Variants in THRB observed in about 807,000 individuals in gnomAD.
The protein encoded by THRB is nuclear receptor subfamily 1 group A member 2.
THRB carries 12 observed loss-of-function variants against 47.8 expected under a neutral mutation model. That is an observed-to-expected ratio of 0.25 (90% CI 0.16 to 0.41). The LOEUF is 0.41. THRB is among the 10% of genes least tolerant of loss of function. The pLI is 1.00. For missense variants in THRB, 348 were observed against 589.2 expected, an observed-to-expected ratio of 0.59 and a Z score of 4.24; for synonymous variants, 218 against 212.2, an observed-to-expected ratio of 1.03 and a Z score of -0.24.
chr3:24,411,054 T>C (rs899997769), intron 1 of THRB, among the ~76,000 whole-genome samples: 2 of 151,726 alleles, frequency 1.3e-5, no homozygotes, highest in African/African-American at 4.8e-5. Flanking sequence ...ATTGGCTGAG[T>C]GTGGTGGCTG....
chr3:24,447,453 G>A (rs991527634), intron 1 of THRB, among the ~76,000 whole-genome samples: 23 of 152,116 alleles, frequency 1.5e-4, no homozygotes, highest in Admixed American at 1.2e-3. Context: ...TGCAGTAATG[G>A]GAGGGTTTGA....
chr3:24,469,936 C>T (rs1045958369), intron 1 of THRB, among the ~76,000 whole-genome samples: 8 of 152,214 alleles, frequency 5.3e-5, no homozygotes, highest in African/African-American at 1.9e-4. Flanking sequence ...TGAATGAAGT[C>T]AATGTCTTCC....
intron 4 of THRB, among the ~76,000 whole-genome samples, chr3:24,214,546 C>G (rs1260480620): frequency 6.6e-6 from 1 of 152,220 alleles, no homozygotes; most frequent in Non-Finnish European, 1.5e-5. Flanking sequence ...CCGGTTTCCT[C>G]AGGCAAAAAC....
At chr3:24,123,459 G>A (rs1363414107) in intron 10 of THRB, among the ~76,000 whole-genome samples, 1 of 152,192 alleles carries the variant, frequency 6.6e-6, no homozygotes, top group African/African-American at 2.4e-5. Flanking sequence ...TCTGCAAGAT[G>A]AGGGGAACAA....
intron 3 of THRB, chr3:24,238,007 G>A (rs2049044159): frequency 6.6e-6 from 1 of 152,056 alleles, no homozygotes; most frequent in African/African-American, 2.4e-5. Context: ...GGACCAGCTT[G>A]GCCACCTGCT....
chr3:24,373,169 C>A (rs1251187975), intron 1 of THRB, among the ~76,000 whole-genome samples: 1 of 152,058 alleles, frequency 6.6e-6, no homozygotes, highest in Non-Finnish European at 1.5e-5. Flanking sequence ...AAAACCCCAA[C>A]AAAGACCAAA....
At chr3:24,429,436 G>T (rs2070132708) in intron 1 of THRB, among the ~76,000 whole-genome samples, 1 of 151,850 alleles carries the variant, frequency 6.6e-6, no homozygotes. Flanking sequence ...GTAGAATATG[G>T]CATGAATGAC....
At chr3:24,292,970 T>A (rs1356841609) in intron 3 of THRB, among the ~76,000 whole-genome samples, 1 of 152,220 alleles carries the variant, frequency 6.6e-6, no homozygotes, top group African/African-American at 2.4e-5. Context: ...TTAGTCAATT[T>A]TATCAATTTT....
chr3:24,152,406 G>A lies in THRB; in HGVS notation c.368C>T (p.Thr123Met), dbSNP rs763024316. Reference protein sequence around the residue: ...KATGYHYRCITCEGCKGFFRR... With the variant: ...KATGYHYRCIMCEGCKGFFRR... ...GGCAATTACCTTGCAGCCTTCACACGTGATACAGCGGTAGTGATACCCGGT... is the reference window on the plus strand; with the variant it reads ...GGCAATTACCTTGCAGCCTTCACACATGATACAGCGGTAGTGATACCCGGT... Residue 123 changes from threonine (T) to methionine (M), a missense_variant, in exon 6 of 11, where the codon ACG (threonine) becomes ATG (methionine). Around this residue, in one of 5 missense-constraint regions of THRB, gnomAD observed 112 missense variants for 212.3 expected, o/e 0.53. Transcript: ENST00000646209. 6.2e-7 allele frequency: 1 copy of A among 1,611,154 alleles called. No homozygotes were observed. The highest frequency in any genetic ancestry group is 8.5e-7 in the Non-Finnish European group (1 of 1,177,480).
chr3:24,286,704 T>C (rs1253059487), intron 3 of THRB, among the ~76,000 whole-genome samples: 1 of 152,174 alleles, frequency 6.6e-6, no homozygotes, highest in Non-Finnish European at 1.5e-5. Flanking sequence ...CCAGTAACCA[T>C]AGTATGACTA....
chr3:24,363,162 T>C (rs1241291026), intron 1 of THRB, among the ~76,000 whole-genome samples: 1 of 152,120 alleles, frequency 6.6e-6, no homozygotes, highest in Non-Finnish European at 1.5e-5. Context: ...CTTAGCAAAC[T>C]GTATTTCCTT....
intron 1 of THRB, among the ~76,000 whole-genome samples, chr3:24,357,801 G>A (rs758740534): frequency 1.3e-5 from 2 of 152,054 alleles, no homozygotes; most frequent in Admixed American, 1.3e-4. Flanking sequence ...AAACTACGCT[G>A]TACTGGTGGA....
chr3:24,358,089 G>A (rs542985084), intron 1 of THRB, among the ~76,000 whole-genome samples: 1 of 152,246 alleles, frequency 6.6e-6, no homozygotes, highest in Admixed American at 6.5e-5. Context: ...CCTGGTAGAT[G>A]TTTAATAAAT....
intron 1 of THRB, among the ~76,000 whole-genome samples, chr3:24,345,077 C>T (rs1279294522): frequency 6.6e-6 from 1 of 152,118 alleles, no homozygotes; most frequent in East Asian, 1.9e-4. Context: ...TGACTGAAAA[C>T]TGAAAGGCAG....
intron 1 of THRB, among the ~76,000 whole-genome samples, chr3:24,436,729 G>A: frequency 6.6e-6 from 1 of 152,148 alleles, no homozygotes; most frequent in Non-Finnish European, 1.5e-5. Flanking sequence ...TGGCCTGGAA[G>A]ATCACGTACA....
In THRB at chr3:24,141,441, C is replaced by T. The variant is rs756702906; in HGVS notation, c.738+2060G>A. ...CCATGTTCACAGAAATGAAGTCTCT[C>T]CCCACTTCCAGTTCACAAACTCTTC... is the stretch of plus-strand genomic sequence containing the variant. On this transcript the variant is annotated intron_variant, in intron 8 of 10. Transcript: ENST00000646209. Among the ~76,000 whole-genome samples, 76 of 152,194 alleles carry T rather than the reference C, an allele frequency of 5.0e-4. 1 individual carries two copies. Among genetic ancestry groups the T allele is most frequent in the Admixed American group, 7.8e-4 (12 of 15,288 alleles).
chr3:24,247,202 GAATA>G (rs1201041877), intron 3 of THRB, among the ~76,000 whole-genome samples: 1 of 152,206 alleles, frequency 6.6e-6, no homozygotes, highest in South Asian at 2.1e-4. Context: ...TCTTTATGAT[GAATA>G]AATATCTTAA....
At position 24,146,828 on chromosome 3, in the gene THRB, T is replaced by G; in HGVS notation, c.385-6A>C. On this transcript the variant is annotated splice_region_variant and splice_polypyrimidine_tract_variant and intron_variant, in intron 6 of 10. Coordinates refer to ENST00000646209, the MANE Select transcript of THRB (RefSeq NM_001354712.2). ...ATGGTTCTTCTAAAGAAACCCTATA[T>G]GAAAAACAAAGACCCAAGACAACAG... 2 of 1,613,550 alleles carry G rather than the reference T, an allele frequency of 1.2e-6. No homozygotes were observed. The highest frequency in any genetic ancestry group is 1.7e-5 in the Admixed American group (1 of 60,014).
Position 24,158,420 on chromosome 3 carries a change from CTTTTT to C in THRB, c.284-5935_284-5931del, listed in dbSNP as rs869272206. On this transcript the variant is annotated intron_variant, in intron 5 of 10. Coordinates refer to ENST00000646209, the MANE Select transcript of THRB (RefSeq NM_001354712.2). ...AAAAGTAGTTTGAGAAAAATGATAACTTTTTTTTTTTTTGGGGGGAGGGTGGGGGA... is the reference window on the plus strand; with the variant it reads ...AAAAGTAGTTTGAGAAAAATGATAACTTTTTTTTGGGGGGAGGGTGGGGGA... 2.8e-5 allele frequency among the ~76,000 whole-genome samples: 3 copies of C among 107,752 alleles called. No homozygotes were observed. The Admixed American group carries it at 3.4e-4, about 12-fold the overall frequency. 70.7% of individuals were successfully genotyped at this position (107,752 alleles called of 152,430 possible). A position where few individuals can be genotyped will look rare whatever the true frequency, so the allele number is the denominator to read the frequency against.
Sources: allele counts gnomAD v4.1 joint callset (sites outside exome capture counted in the v4.1 genomes callset), GRCh38; gene constraint gnomAD v4.1.1; regional missense constraint gnomAD v4.1.1; transcripts MANE v1.5; gene names NCBI Gene and HGNC (gene_info 2026-07-23, HGNC 2026-07-21).